The following CDC14A variants were observed in gnomAD, a reference collection of about 807,000 sequenced individuals.
The protein encoded by CDC14A is dual specificity protein phosphatase CDC14A.
Under a neutral mutation model 74.4 loss-of-function variants are expected in CDC14A, and 53 were observed. That is an observed-to-expected ratio of 0.71 (90% CI 0.57 to 0.89). The LOEUF (loss-of-function observed/expected upper bound fraction) is 0.89, where lower values mean the gene tolerates loss of function less well. Ranked by LOEUF, CDC14A falls within the 40% of genes least tolerant of loss-of-function variation. The probability of loss-of-function intolerance (pLI) is 0.00; values close to 1 mark genes in which losing one functional copy is unlikely to be tolerated. For synonymous variants in CDC14A, 247 were observed against 258.4 expected, an observed-to-expected ratio of 0.96 and a Z score of 0.43; for missense variants, 646 against 713.7, an observed-to-expected ratio of 0.91 and a Z score of 1.08.
intron 4 of CDC14A, among the ~76,000 whole-genome samples, chr1:100,399,925 C>CTT (rs1191886227): frequency 1.3e-5 from 2 of 152,004 alleles, no homozygotes; most frequent in Non-Finnish European, 2.9e-5. Flanking sequence ...TACTAGAAAT[C>CTT]ATGCCCATCA....
Position 100,498,953 on chromosome 1 carries a change from C to A in CDC14A, c.1446C>A (p.Ala482=). 3 of 1,613,036 alleles carry A rather than the reference C, an allele frequency of 1.9e-6. No homozygotes were observed. Among genetic ancestry groups the A allele is most frequent in the Non-Finnish European group, 2.5e-6 (3 of 1,179,276 alleles). ...VRSFSINSRL[A]SSLGNLNAAT... ...GCTTTTCCATAAACTCCCGGCTAGC[C>A]AGTTCTCTAGGGAACTTGAATGCTG... The change falls in exon 15 of 16, where the codon GCC becomes GCA. Residue 482 remains alanine, a synonymous_variant. Transcript: ENST00000336454.
At chr1:100,516,447 A>T (rs1650232769) in intron 15 of CDC14A, among the ~76,000 whole-genome samples, 1 of 152,220 alleles carries the variant, frequency 6.6e-6, no homozygotes, top group South Asian at 2.1e-4. Context: ...TCTAAGTTAT[A>T]TGCAGTTTGA....
Position 100,410,267 on chromosome 1 carries a change from T to C in CDC14A, c.310-13955T>C, listed in dbSNP as rs185852420. 3.3e-3 allele frequency among the ~76,000 whole-genome samples: 501 copies of C among 151,912 alleles called. 6 individuals are homozygous for C. The highest frequency in any genetic ancestry group is 3.1e-3 in the South Asian group (15 of 4,810). ...TAGTTTTTTTTCCCCAAGAAACATA[T>C]CTTTGAAATGTAATGAAAATAGTGA... On this transcript the variant is annotated intron_variant, in intron 4 of 15. Coordinates refer to ENST00000336454, the MANE Select transcript of CDC14A (RefSeq NM_003672.4).
At chr1:100,435,916 A>C (rs1397283658) in intron 5 of CDC14A, among the ~76,000 whole-genome samples, 4 of 151,688 alleles carry the variant, frequency 2.6e-5, no homozygotes, top group Admixed American at 6.6e-5. Flanking sequence ...AAGCTGAAGG[A>C]AGATGTGGAG....
chr1:100,504,762 A>G (rs1649087642), intron 15 of CDC14A: 1 of 1,359,226 alleles, frequency 7.4e-7, no homozygotes, highest in Admixed American at 2.0e-5. Flanking sequence ...GTAGTATTGT[A>G]TCTTTGCACC....
chr1:100,488,675 C>T (rs373542795), intron 11 of CDC14A, among the ~76,000 whole-genome samples: 10 of 152,182 alleles, frequency 6.6e-5, no homozygotes, highest in East Asian at 3.8e-4. Flanking sequence ...TGCTAATATT[C>T]AGCCAAGTTC....
chr1:100,388,783 C>G (rs995804320), intron 3 of CDC14A, among the ~76,000 whole-genome samples: 2 of 152,134 alleles, frequency 1.3e-5, no homozygotes, highest in Non-Finnish European at 2.9e-5. Context: ...ATTCCCAGCC[C>G]TAAGTGATTC....
chr1:100,424,149 A>G, intron 4 of CDC14A, 73 bp from the exon 5 acceptor site: 3 of 1,098,462 alleles, frequency 2.7e-6, no homozygotes, highest in Non-Finnish European at 2.8e-6. Flanking sequence ...GAGGAAGTGA[A>G]ATGCAAATTT....
chr1:100,442,335 A>T lies in CDC14A; in HGVS notation c.457-599A>T, dbSNP rs1187405670. The stretch of plus-strand genomic sequence containing the variant: ...TATATATAAATATACTATATTATGT[A>T]TTATATATAAATATACTATATTATA... On this transcript the variant is annotated intron_variant, in intron 6 of 15. Coordinates refer to ENST00000336454, the MANE Select transcript of CDC14A (RefSeq NM_003672.4). 2.7e-5 allele frequency among the ~76,000 whole-genome samples: 4 copies of T among 146,738 alleles called. No individual in the cohort carries two copies. The Admixed American group carries it at 2.7e-4, about 10-fold the overall frequency.
chr1:100,505,115 C>T (rs539843799), intron 15 of CDC14A: 4 of 196,150 alleles, frequency 2.0e-5, no homozygotes, highest in South Asian at 1.8e-4. Flanking sequence ...AACACAGTAC[C>T]GGTCACAGGA....
Position 100,518,459 on chromosome 1 carries a change from A to T in CDC14A, c.*179A>T. ...CTTGAAAACAGAAAACTGGTTAATG[A>T]CTACTATAAATGCACTGAAACTATG... On this transcript the variant is annotated 3_prime_UTR_variant, in exon 16 of 16. Transcript: ENST00000336454. The T allele has an allele frequency of 1.8e-6, 1 of 568,300 alleles. No individual in the cohort carries two copies. Among genetic ancestry groups the T allele is most frequent in the Non-Finnish European group, 3.2e-6 (1 of 314,922 alleles). 35.2% of individuals were successfully genotyped at this position (568,300 alleles called of 1,614,324 possible).
chr1:100,385,074 T>G (rs968573362), intron 3 of CDC14A, among the ~76,000 whole-genome samples: 1 of 152,232 alleles, frequency 6.6e-6, no homozygotes, highest in Non-Finnish European at 1.5e-5. Context: ...TGGGGAAATG[T>G]GTTTTTTGTA....
intron 15 of CDC14A, among the ~76,000 whole-genome samples, chr1:100,516,280 A>G (rs1213204952): frequency 2.0e-5 from 3 of 152,208 alleles, no homozygotes; most frequent in African/African-American, 7.2e-5. Flanking sequence ...ATATATATAA[A>G]TATATGCACA....
chr1:100,468,736 AG>A (rs1668093156), intron 10 of CDC14A, among the ~76,000 whole-genome samples: 1 of 152,224 alleles, frequency 6.6e-6, no homozygotes, highest in African/African-American at 2.4e-5. Context: ...TTTAACCTGT[AG>A]GACACAATCC....
At chr1:100,353,361 C>A (rs997989189) in intron 1 of CDC14A, among the ~76,000 whole-genome samples, 4 of 152,182 alleles carry the variant, frequency 2.6e-5, no homozygotes, top group Non-Finnish European at 5.9e-5. Flanking sequence ...CCCAACCACA[C>A]CCCCCAAGTC....
chr1:100,494,829 AGAT>A lies in CDC14A; in HGVS notation c.1157_1159del (p.Asp386del), dbSNP rs372217162. 5.0e-6 allele frequency: 8 copies of A among 1,606,700 alleles called. No individual in the cohort carries two copies. In the African/African-American group the frequency reaches 1.1e-4, roughly 21 times the overall value. ...GTATTTTTTTCCAGGATAACTTAGA[AGAT>A]GATGATGTGGAAATGAAAAATGGTA... On this transcript the variant is annotated inframe_deletion, in exon 12 of 16. Coordinates refer to ENST00000336454, the MANE Select transcript of CDC14A (RefSeq NM_003672.4).
intron 4 of CDC14A, among the ~76,000 whole-genome samples, chr1:100,399,539 G>T (rs918105426): frequency 2.0e-5 from 3 of 152,064 alleles, no homozygotes; most frequent in South Asian, 4.2e-4. Context: ...AAATTTAATT[G>T]GTGAAAAATG....
chr1:100,459,086 A>AACACACAC (rs751247467), intron 8 of CDC14A, among the ~76,000 whole-genome samples: 1,456 of 128,740 alleles, frequency 0.011, 20 homozygotes, highest in African/African-American at 0.024. Context: ...CTTCTATTTA[A>AACACACAC]ACACACACAC....
chr1:100,457,960 A>T (rs550524322), intron 8 of CDC14A, among the ~76,000 whole-genome samples: 1 of 152,342 alleles, frequency 6.6e-6, no homozygotes, highest in Non-Finnish European at 1.5e-5. Context: ...ATCACTAGAT[A>T]AAAGGATACG....
Sources: allele counts gnomAD v4.1 joint callset (sites outside exome capture counted in the v4.1 genomes callset), GRCh38; gene constraint gnomAD v4.1.1; transcripts MANE v1.5; gene names NCBI Gene and HGNC (gene_info 2026-07-23, HGNC 2026-07-21).